The following RHBDD3 variants were observed in gnomAD, a reference collection of about 807,000 sequenced individuals.
RHBDD3 encodes the protein rhomboid domain-containing protein 3.
Under a neutral mutation model 32.3 loss-of-function variants are expected in RHBDD3, and 34 were observed. That is an observed-to-expected ratio of 1.05 (90% confidence interval 0.80 to 1.40). RHBDD3 has a LOEUF of 1.40. Ranked by LOEUF, RHBDD3 falls within the 40% of genes most tolerant of loss-of-function variation. RHBDD3 has a pLI of 0.00. For missense variants in RHBDD3, 482 were observed against 492.6 expected (o/e 0.98, Z 0.20); for synonymous variants, 249 against 239.1 (o/e 1.04, Z -0.38).
rs2231394 is a variant in RHBDD3, at chr22:29,263,964, G to A, written c.403C>T (p.Arg135Cys). 1,330 of 1,550,802 alleles carry A rather than the reference G, an allele frequency of 8.6e-4. 9 individuals carry two copies. The African/African-American group carries it at 0.016, about 18-fold the overall frequency. Reference protein sequence around the residue: ...HLAMLAGEGHRPRRPRGALPP... With the variant: ...HLAMLAGEGHCPRRPRGALPP... ...AGTGCCCCACGGGGCCGTCTAGGGC[G>A]GTGTCCCTCCCCAGCCAGCATGGCC... is the stretch of plus-strand genomic sequence containing the variant. The change falls in exon 4 of 7, where the codon CGC (arginine) becomes TGC (cysteine). Residue 135 changes from arginine to cysteine, a missense_variant. Coordinates refer to ENST00000216085, the MANE Select transcript of RHBDD3 (RefSeq NM_012265.3).
chr22:29,261,281 C>T (rs1473277489), intron 4 of RHBDD3: 1 of 482,016 alleles, frequency 2.1e-6, no homozygotes, highest in Non-Finnish European at 4.3e-6. Flanking sequence ...TCCAGTGGCA[C>T]TGTTTTCCCC....
In RHBDD3 at chr22:29,262,705, TTTTAA is replaced by T. The variant is rs564206803; in HGVS notation, c.532+1125_532+1129del. Among the ~76,000 whole-genome samples the T allele has an allele frequency of 9.8e-5, 15 of 152,290 alleles. No individual in the cohort carries two copies. The East Asian group carries it at 2.1e-3, about 22-fold the overall frequency. ...ATGAGATCTTTCCATTCACTTAGGC[TTTTAA>T]TTTTCTTTTTTTTTGAGAGGAAGTC... On this transcript the variant is annotated intron_variant, in intron 4 of 6. Coordinates refer to ENST00000216085, the MANE Select transcript of RHBDD3 (RefSeq NM_012265.3).
intron 4 of RHBDD3, among the ~76,000 whole-genome samples, chr22:29,263,250 G>A (rs1407603478): frequency 6.6e-6 from 1 of 152,246 alleles, no homozygotes; most frequent in Non-Finnish European, 1.5e-5. Flanking sequence ...TTACCATGTT[G>A]GCCAGGCTAG....
Sources: allele counts gnomAD v4.1 joint callset (sites outside exome capture counted in the v4.1 genomes callset), GRCh38; gene constraint gnomAD v4.1.1; transcripts MANE v1.5; gene names NCBI Gene and HGNC (gene_info 2026-07-23, HGNC 2026-07-21).